PRRC2B: variants seen among roughly 807,000 people sequenced by gnomAD.
The protein encoded by PRRC2B is protein PRRC2B.
PRRC2B carries 68 observed loss-of-function variants against 242.3 expected under a neutral mutation model. The observed-to-expected ratio is 0.28, with a 90% CI of 0.23 to 0.34. The LOEUF (loss-of-function observed/expected upper bound fraction) is 0.34, where lower values mean the gene tolerates loss of function less well. PRRC2B is among the 10% of genes least tolerant of loss of function. The pLI, the probability that PRRC2B is intolerant of heterozygous loss-of-function variation, is 1.00. For missense variants in PRRC2B, 2,835 were observed against 2,954.8 expected, an observed-to-expected ratio of 0.96 and a Z score of 0.94; for synonymous variants, 1,228 against 1,173.6, an observed-to-expected ratio of 1.05 and a Z score of -0.95.
At chr9:131,443,984 A>G (rs1838699170) in intron 5 of PRRC2B, among the ~76,000 whole-genome samples, 1 of 152,228 alleles carries the variant, frequency 6.6e-6, no homozygotes, top group Non-Finnish European at 1.5e-5. Flanking sequence ...TCAGCTGGGA[A>G]GGGGCATGAT....
intron 1 of PRRC2B, among the ~76,000 whole-genome samples, chr9:131,402,673 T>TCTGGGTGTGGGGCAGTCAGGGAAGGCAGC (rs1156609604): frequency 1.3e-5 from 2 of 152,078 alleles, no homozygotes; most frequent in African/African-American, 4.8e-5. Context: ...CTCACCTCAG[T>TCTGGGTGTGGGGCAGTCAGGGAAGGCAGC]CTGGGTGTGG....
intron 1 of PRRC2B, among the ~76,000 whole-genome samples, chr9:131,419,641 CG>C (rs1319589808): frequency 1.3e-5 from 2 of 151,480 alleles, no homozygotes; most frequent in Admixed American, 6.6e-5. Context: ...GGGTCAAGTG[CG>C]GGGGTCTTTG....
chr9:131,421,411 G>C (rs1395927594), intron 1 of PRRC2B, among the ~76,000 whole-genome samples: 1 of 152,208 alleles, frequency 6.6e-6, no homozygotes, highest in East Asian at 1.9e-4. Flanking sequence ...TCTTGGCTGA[G>C]ACTTAACAAG....
chr9:131,438,611 C>T (rs984864829), intron 4 of PRRC2B, among the ~76,000 whole-genome samples: 1 of 152,126 alleles, frequency 6.6e-6, no homozygotes, highest in African/African-American at 2.4e-5. Flanking sequence ...GGAACTGGGC[C>T]TTAGTCTTTG....
chr9:131,467,541 TC>T, intron 12 of PRRC2B, 21 bp from the exon 13 acceptor site: 1 of 1,556,384 alleles, frequency 6.4e-7, no homozygotes, highest in Non-Finnish European at 8.7e-7. Context: ...CTGTGTCATT[TC>T]TCTGCTGGTA....
intron 15 of PRRC2B, 117 bp downstream of exon 15, chr9:131,473,841 C>G: frequency 1.4e-6 from 1 of 700,244 alleles, no homozygotes. Flanking sequence ...AGACGTGCTC[C>G]TTGAAGGGAC....
chr9:131,454,224 A>G (rs1943004762), intron 9 of PRRC2B, among the ~76,000 whole-genome samples: 1 of 152,216 alleles, frequency 6.6e-6, no homozygotes, highest in Non-Finnish European at 1.5e-5. Context: ...TGACCAAATA[A>G]TATTCCATTG....
At chr9:131,448,218 G>A (rs1161655396) in intron 9 of PRRC2B, 1 of 155,968 alleles carries the variant, frequency 6.4e-6, no homozygotes, top group African/African-American at 2.4e-5. Flanking sequence ...ACTGCCTGTG[G>A]GTTAGCCCTA....
chr9:131,455,849 G>T (rs1392673797), intron 10 of PRRC2B, among the ~76,000 whole-genome samples: 1 of 151,960 alleles, frequency 6.6e-6, no homozygotes, highest in Admixed American at 6.6e-5. Flanking sequence ...ACGGCGGCTC[G>T]TGCTGTTAAT....
At chr9:131,410,108 ATCT>A (rs754341259) in intron 1 of PRRC2B, among the ~76,000 whole-genome samples, 2 of 152,310 alleles carry the variant, frequency 1.3e-5, no homozygotes, top group South Asian at 2.1e-4. Context: ...TGTTGAAATC[ATCT>A]TCTTCCCCAC....
intron 10 of PRRC2B, among the ~76,000 whole-genome samples, chr9:131,457,510 A>C: frequency 6.6e-6 from 1 of 152,112 alleles, no homozygotes; most frequent in East Asian, 1.9e-4. Flanking sequence ...ATGTTCTCTG[A>C]GCTGGTTGGT....
In PRRC2B at chr9:131,487,421, G is replaced by GT; in HGVS notation, c.5984+127_5984+128insT. ...GGGCCAGTGGGGCGGGGAGGGGTGGGAGTTTGCTCTGAATCACTCTTCAGT... is the reference window on the plus strand; with the variant it reads ...GGGCCAGTGGGGCGGGGAGGGGTGGGTAGTTTGCTCTGAATCACTCTTCAGT... On this transcript the variant is annotated intron_variant, in intron 27 of 31. Transcript: ENST00000683519. This position sits in a 1 kb window ranked among gnomAD's most constrained non-coding sequence, Gnocchi z 5.3. The GT allele has an allele frequency of 1.6e-6, 1 of 637,942 alleles. No homozygotes were observed. Among genetic ancestry groups the GT allele is most frequent in the Non-Finnish European group, 2.6e-6 (1 of 386,236 alleles). 39.5% of individuals were successfully genotyped at this position (637,942 alleles called of 1,614,324 possible).
chr9:131,392,954 C>T (rs1329572856), upstream of PRRC2B, among the ~76,000 whole-genome samples: 3 of 149,932 alleles, frequency 2.0e-5, no homozygotes, highest in African/African-American at 4.9e-5. Context: ...AAAAGGATAA[C>T]ACTGAAAATG....
intron 31 of PRRC2B, 111 bp from the exon 32 acceptor site, chr9:131,495,629 T>A (rs574510335): frequency 3.1e-6 from 4 of 1,277,200 alleles, no homozygotes; most frequent in South Asian, 2.8e-5. Context: ...ACTGACAACT[T>A]AGGGGAGCTT....
At chr9:131,451,591 G>C (rs910365838) in intron 9 of PRRC2B, among the ~76,000 whole-genome samples, 2 of 151,564 alleles carry the variant, frequency 1.3e-5, no homozygotes, top group Non-Finnish European at 2.9e-5. Context: ...TTTGTATTTT[G>C]CCTTATTGCA....
intron 1 of PRRC2B, among the ~76,000 whole-genome samples, chr9:131,420,144 G>T (rs1277105308): frequency 6.6e-6 from 1 of 152,032 alleles, no homozygotes; most frequent in East Asian, 1.9e-4. Context: ...CTTGGGGTGC[G>T]TGGTCTTCTG....
intron 1 of PRRC2B, among the ~76,000 whole-genome samples, chr9:131,406,306 C>A (rs1433644509): frequency 6.6e-6 from 1 of 152,192 alleles, no homozygotes; most frequent in Non-Finnish European, 1.5e-5. Flanking sequence ...GTACATCTCT[C>A]CACAATGAAC....
At chr9:131,448,038 G>T in intron 9 of PRRC2B, 1 of 386,598 alleles carries the variant, frequency 2.6e-6, no homozygotes, top group Non-Finnish European at 4.5e-6. Context: ...TTAGAGTTTT[G>T]TTGTTAACTT....
upstream of PRRC2B, among the ~76,000 whole-genome samples, chr9:131,389,242 TCCC>T (rs1836868318): frequency 6.7e-6 from 1 of 148,526 alleles, no homozygotes; most frequent in Non-Finnish European, 1.5e-5. Flanking sequence ...AACCTCCGCT[TCCC>T]TGGTGAATCA....
Sources: gnomAD v4.1 joint callset for allele counts (sites outside exome capture counted in the v4.1 genomes callset) on GRCh38, gnomAD v4.1.1 for gene constraint, Gnocchi (gnomAD v3.1) non-coding constraint, MANE v1.5 for transcripts, NCBI Gene and HGNC (gene_info 2026-07-23, HGNC 2026-07-21) for gene names.